BICC1: variants seen among roughly 807,000 people sequenced by gnomAD.
BICC1 encodes the protein BicC family RNA binding protein 1, also known as protein bicaudal C homolog 1.
Under a neutral mutation model 111.0 loss-of-function variants are expected in BICC1, and 43 were observed. The ratio of observed to expected loss-of-function variants is 0.39; its 90% CI spans 0.30 to 0.50. BICC1 has a LOEUF of 0.50. Ranked by LOEUF, BICC1 falls within the 20% of genes least tolerant of loss-of-function variation. BICC1 has a pLI of 0.88. For synonymous variants in BICC1, 467 were observed against 434.4 expected (o/e 1.07, Z -0.93); for missense variants, 1,091 against 1,203.2 (o/e 0.91, Z 1.38).
intron 3 of BICC1, among the ~76,000 whole-genome samples, chr10:58,780,918 C>A (rs1338117910): frequency 6.6e-6 from 1 of 151,968 alleles, no homozygotes; most frequent in Non-Finnish European, 1.5e-5. Context: ...TTGTTAAGTC[C>A]TTACAGATAT....
intron 2 of BICC1, among the ~76,000 whole-genome samples, chr10:58,639,001 C>T (rs911198042): frequency 2.2e-5 from 3 of 136,210 alleles, no homozygotes; most frequent in Non-Finnish European, 4.7e-5. Flanking sequence ...GTACATATTT[C>T]ATTGTATATA....
intron 1 of BICC1, among the ~76,000 whole-genome samples, chr10:58,552,348 A>G (rs1425349870): frequency 6.6e-6 from 1 of 151,596 alleles, no homozygotes; most frequent in South Asian, 2.1e-4. Context: ...TTATTTATTT[A>G]TTTTTGAGAT....
At chr10:58,586,415 G>A (rs764454905) in intron 1 of BICC1, among the ~76,000 whole-genome samples, 1 of 151,896 alleles carries the variant, frequency 6.6e-6, no homozygotes, top group East Asian at 1.9e-4. Flanking sequence ...TACTTTCTCC[G>A]TGTCAGGCAC....
chr10:58,678,319 A>C (rs576021514), intron 2 of BICC1, among the ~76,000 whole-genome samples: 1 of 152,356 alleles, frequency 6.6e-6, no homozygotes, highest in African/African-American at 2.4e-5. Context: ...GTGCAAAGAC[A>C]CACATAGTCT....
chr10:58,782,266 G>A (rs923899068), intron 3 of BICC1, among the ~76,000 whole-genome samples: 16 of 152,198 alleles, frequency 1.1e-4, no homozygotes, highest in African/African-American at 3.9e-4. Context: ...ATTTTAATGC[G>A]ATTATCCAAC....
intron 17 of BICC1, among the ~76,000 whole-genome samples, chr10:58,807,819 G>C (rs1314737462): frequency 1.2e-4 from 19 of 152,092 alleles, no homozygotes; most frequent in Non-Finnish European, 4.4e-5. Context: ...GCCTTTGGGA[G>C]TCGGGGTGGG....
intron 3 of BICC1, among the ~76,000 whole-genome samples, chr10:58,769,040 AACAG>A (rs1213849052): frequency 6.6e-6 from 1 of 152,028 alleles, no homozygotes; most frequent in Admixed American, 6.6e-5. Flanking sequence ...ACCAGACACA[AACAG>A]ACAAATACTG....
At chr10:58,795,565 A>G (rs899475374) in intron 9 of BICC1, among the ~76,000 whole-genome samples, 2 of 152,176 alleles carry the variant, frequency 1.3e-5, no homozygotes, top group Non-Finnish European at 2.9e-5. Flanking sequence ...TGAGAACTCC[A>G]GAGCCTTGCA....
intron 1 of BICC1, among the ~76,000 whole-genome samples, chr10:58,606,353 C>T (rs1227321354): frequency 1.4e-5 from 2 of 138,486 alleles, no homozygotes; most frequent in African/African-American, 5.4e-5. Context: ...TCACCATATC[C>T]TTCTACTTAA....
intron 6 of BICC1, among the ~76,000 whole-genome samples, chr10:58,788,841 T>G (rs1159514672): frequency 6.6e-6 from 1 of 152,184 alleles, no homozygotes; most frequent in Non-Finnish European, 1.5e-5. Flanking sequence ...ATCCCAGCAC[T>G]TTGGGAGGCC....
At chr10:58,713,547 G>C (rs896428241) in intron 3 of BICC1, among the ~76,000 whole-genome samples, 2 of 152,204 alleles carry the variant, frequency 1.3e-5, no homozygotes. Context: ...CCAGTGAATT[G>C]TAAGTGATGT....
chr10:58,595,204 G>C (rs565672858), intron 1 of BICC1, among the ~76,000 whole-genome samples: 4 of 152,156 alleles, frequency 2.6e-5, no homozygotes, highest in African/African-American at 9.7e-5. Context: ...GGAATACCCA[G>C]ATTCATAAAG....
chr10:58,601,993 G>A (rs1845057797), intron 1 of BICC1, among the ~76,000 whole-genome samples: 2 of 152,076 alleles, frequency 1.3e-5, no homozygotes, highest in African/African-American at 2.4e-5. Flanking sequence ...GAACTTGATA[G>A]AGCATTGCCA....
chr10:58,540,640 C>T (rs1009818588), intron 1 of BICC1, among the ~76,000 whole-genome samples: 3 of 151,926 alleles, frequency 2.0e-5, no homozygotes, highest in African/African-American at 7.2e-5. Context: ...GACAAAAGCC[C>T]AGGACCAGAT....
chr10:58,802,303 TC>T (rs762854375), intron 14 of BICC1, among the ~76,000 whole-genome samples: 24 of 152,284 alleles, frequency 1.6e-4, no homozygotes, highest in Admixed American at 8.5e-4. Flanking sequence ...CTTTTTGTAT[TC>T]CCCAAGTACT....
chr10:58,518,008 C>G (rs987584471), intron 1 of BICC1, among the ~76,000 whole-genome samples: 2 of 152,074 alleles, frequency 1.3e-5, no homozygotes, highest in Non-Finnish European at 2.9e-5. Flanking sequence ...ATTGGCCTCC[C>G]TGGTAGCTTG....
chr10:58,603,006 G>A (rs1845091216), intron 1 of BICC1, among the ~76,000 whole-genome samples: 1 of 152,160 alleles, frequency 6.6e-6, no homozygotes, highest in Admixed American at 6.6e-5. Flanking sequence ...ATGAGATGCA[G>A]TATGAGACAG....
intron 2 of BICC1, among the ~76,000 whole-genome samples, chr10:58,644,559 T>A (rs1172487570): frequency 6.6e-6 from 1 of 152,232 alleles, no homozygotes; most frequent in Non-Finnish European, 1.5e-5. Flanking sequence ...CTTGTGGCAA[T>A]TCCACAGCTG....
chr10:58,699,687 TTCTA>T (rs1250687550), intron 2 of BICC1, among the ~76,000 whole-genome samples: 3 of 152,164 alleles, frequency 2.0e-5, no homozygotes, highest in Non-Finnish European at 4.4e-5. Context: ...GATCTTATTT[TTCTA>T]TCTTTCTTTC....
Sources: allele counts gnomAD v4.1 joint callset (sites outside exome capture counted in the v4.1 genomes callset), GRCh38; gene constraint gnomAD v4.1.1; transcripts MANE v1.5; gene names NCBI Gene and HGNC (gene_info 2026-07-23, HGNC 2026-07-21).